Variants in YAF2 observed in about 807,000 individuals in gnomAD.
YAF2 encodes YY1-associated factor 2.
Under a neutral mutation model 20.1 loss-of-function variants are expected in YAF2, and 7 were observed. That is an observed-to-expected ratio of 0.35 (90% CI 0.20 to 0.65). The LOEUF is 0.65. YAF2 is among the 30% of genes least tolerant of loss of function. YAF2 has a pLI of 0.69. For synonymous variants in YAF2, 74 were observed against 76.0 expected (o/e 0.97, Z 0.14); for missense variants, 151 against 219.2 (o/e 0.69, Z 1.96).
intron 2 of YAF2, among the ~76,000 whole-genome samples, chr12:42,211,870 G>A (rs1432372444): frequency 6.6e-6 from 1 of 151,406 alleles, no homozygotes; most frequent in Non-Finnish European, 1.5e-5. Flanking sequence ...CTAACATAGT[G>A]AAACCCCGTC....
At position 42,158,049 on chromosome 12, in the gene YAF2, A is replaced by T. The variant is rs779355236; in HGVS notation, c.*2540T>A. The stretch of plus-strand genomic sequence containing the variant: ...CTGTAAGTTCATGAAACAGAGAAAA[A>T]CATGTACCCTAAACCTAGGTTCTGA... On this transcript the variant is annotated 3_prime_UTR_variant, in exon 4 of 4. Coordinates refer to ENST00000534854, the MANE Select transcript of YAF2 (RefSeq NM_005748.6). The T allele has an allele frequency of 4.6e-5, 7 of 152,140 alleles. No homozygotes were observed. Among genetic ancestry groups the T allele is most frequent in the Admixed American group, 1.3e-4 (2 of 15,280 alleles). The allele number at this position is 152,140 out of a possible 1,614,324, so 9.4% of individuals were successfully genotyped here.
chr12:42,173,131 T>TA (rs1041281260), intron 2 of YAF2, among the ~76,000 whole-genome samples: 1 of 152,146 alleles, frequency 6.6e-6, no homozygotes, highest in Non-Finnish European at 1.5e-5. Flanking sequence ...CTCGCTCTAT[T>TA]GCCCAGACTG....
chr12:42,234,805 T>TA (rs879449559), intron 2 of YAF2: 4 of 805,230 alleles, frequency 5.0e-6, no homozygotes, highest in Admixed American at 6.2e-5. Flanking sequence ...CTAGGCAACA[T>TA]AGAGATCCCC....
At position 42,228,336 on chromosome 12, in the gene YAF2, C is replaced by T. The variant is rs867275664; in HGVS notation, c.152+9263G>A. Among the ~76,000 whole-genome samples the T allele has an allele frequency of 2.6e-4, 18 of 67,960 alleles. 2 individuals carry two copies. The highest frequency in any genetic ancestry group is 3.9e-4 in the Non-Finnish European group (15 of 37,980). 44.6% of individuals were successfully genotyped at this position (67,960 alleles called of 152,430 possible). ...CCCCTGCCCGGCCAGCCACCCCATC[C>T]GGGAGGTGAGGGGCGCCTCTGCCCG... is the stretch of plus-strand genomic sequence containing the variant. On this transcript the variant is annotated intron_variant, in intron 2 of 3. Transcript: ENST00000534854.
intron 2 of YAF2, among the ~76,000 whole-genome samples, chr12:42,227,371 C>A (rs1422708662): frequency 6.9e-5 from 5 of 72,416 alleles, no homozygotes; most frequent in African/African-American, 2.2e-4. Flanking sequence ...TCCGCCCGGC[C>A]GCCATCCCAT....
chr12:42,228,350 C>T (rs1186405084), intron 2 of YAF2, among the ~76,000 whole-genome samples: 7 of 61,886 alleles, frequency 1.1e-4, no homozygotes, highest in South Asian at 8.2e-4. Flanking sequence ...AGGTGAGGGG[C>T]GCCTCTGCCC....
intron 2 of YAF2, among the ~76,000 whole-genome samples, chr12:42,179,976 T>G (rs2066301611): frequency 1.3e-5 from 2 of 152,160 alleles, no homozygotes; most frequent in Admixed American, 1.3e-4. Flanking sequence ...CTTTTACAAT[T>G]CAGCTTCCAT....
chr12:42,237,183 ACTTTT>A (rs1323023821), intron 2 of YAF2, among the ~76,000 whole-genome samples: 4 of 152,230 alleles, frequency 2.6e-5, no homozygotes, highest in Non-Finnish European at 5.9e-5. Context: ...GCAATCAGAT[ACTTTT>A]CTTTCTTTAG....
chr12:42,168,730 C>T (rs1163481589), intron 2 of YAF2, among the ~76,000 whole-genome samples: 1 of 152,044 alleles, frequency 6.6e-6, no homozygotes, highest in African/African-American at 2.4e-5. Context: ...TTACAGTAAG[C>T]AGAATCTACT....
At chr12:42,229,542 T>C (rs1364492466) in intron 2 of YAF2, among the ~76,000 whole-genome samples, 2 of 152,216 alleles carry the variant, frequency 1.3e-5, no homozygotes, top group Non-Finnish European at 2.9e-5. Context: ...TAGACAATTA[T>C]ACTACAATAT....
At chr12:42,172,967 A>T (rs1226755544) in intron 2 of YAF2, among the ~76,000 whole-genome samples, 1 of 152,178 alleles carries the variant, frequency 6.6e-6, no homozygotes, top group Non-Finnish European at 1.5e-5. Flanking sequence ...CAGGAAGTAG[A>T]CCTGTGGTTG....
intron 2 of YAF2, chr12:42,234,699 C>A: frequency 1.0e-6 from 1 of 984,570 alleles, no homozygotes; most frequent in Non-Finnish European, 1.2e-6. Flanking sequence ...CCAATAAAGA[C>A]TTTAAAGGGG....
chr12:42,178,880 G>A (rs564123437), intron 2 of YAF2, among the ~76,000 whole-genome samples: 2 of 152,078 alleles, frequency 1.3e-5, no homozygotes, highest in East Asian at 3.9e-4. Context: ...ATCATCTGAG[G>A]AGCTTTAAAA....
intron 2 of YAF2, among the ~76,000 whole-genome samples, chr12:42,179,507 A>C (rs758261193): frequency 5.3e-5 from 8 of 152,222 alleles, no homozygotes; most frequent in South Asian, 2.1e-4. Flanking sequence ...GGAACCAGTG[A>C]CTGAAACACA....
chr12:42,199,846 C>T (rs1425351381), intron 2 of YAF2, among the ~76,000 whole-genome samples: 1 of 151,834 alleles, frequency 6.6e-6, no homozygotes, highest in East Asian at 1.9e-4. Context: ...TTTTTGGGAC[C>T]CAACATTTCC....
At chr12:42,165,850 T>C (rs1202616106) in intron 2 of YAF2, among the ~76,000 whole-genome samples, 1 of 149,134 alleles carries the variant, frequency 6.7e-6, no homozygotes, top group Non-Finnish European at 1.5e-5. Flanking sequence ...ACATTCATCT[T>C]GTAAGTACTG....
intron 2 of YAF2, among the ~76,000 whole-genome samples, chr12:42,172,451 G>A (rs567897673): frequency 1.5e-4 from 23 of 152,184 alleles, no homozygotes; most frequent in Non-Finnish European, 2.5e-4. Flanking sequence ...GTGATACAGT[G>A]GTGGATGAAT....
intron 2 of YAF2, among the ~76,000 whole-genome samples, chr12:42,200,810 T>A (rs896252948): frequency 6.6e-6 from 1 of 152,208 alleles, no homozygotes; most frequent in Non-Finnish European, 1.5e-5. Flanking sequence ...CATGGTATAG[T>A]GGACTCTGAA....
At chr12:42,236,069 AAC>A in intron 2 of YAF2, 2 of 1,497,978 alleles carry the variant, frequency 1.3e-6, no homozygotes, top group Non-Finnish European at 1.8e-6. Flanking sequence ...GAGAGGGAAC[AAC>A]AAAAAGCAAT....
Sources: allele counts gnomAD v4.1 joint callset (sites outside exome capture counted in the v4.1 genomes callset), GRCh38; gene constraint gnomAD v4.1.1; transcripts MANE v1.5; gene names NCBI Gene and HGNC (gene_info 2026-07-23, HGNC 2026-07-21).